Variants in PIK3C2G observed in about 807,000 individuals in gnomAD.
PIK3C2G encodes the protein phosphatidylinositol 3-kinase C2 domain-containing subunit gamma.
A neutral mutation model predicts 181.1 loss-of-function variants in PIK3C2G; 168 were observed. The observed-to-expected ratio is 0.93, with a 90% confidence interval of 0.82 to 1.05. The LOEUF is 1.05. Among genes scored for constraint, PIK3C2G ranks in the 50% least tolerant of loss-of-function variants. The pLI is 0.00. For missense variants in PIK3C2G, 1,869 were observed against 1,732.8 expected (o/e 1.08, Z -1.40); for synonymous variants, 573 against 592.2 (o/e 0.97, Z 0.47).
chr12:18,683,589 C>T, the PIK3C2G span: 5 of 1,450,490 alleles, frequency 3.4e-6, no homozygotes, highest in Non-Finnish European at 3.7e-6. Flanking sequence ...AGCCACCACC[C>T]TTCTGCTTCA....
At chr12:18,261,022 T>G (rs533334552), upstream of PIK3C2G, among the ~76,000 whole-genome samples, 1 of 152,232 alleles carries the variant, frequency 6.6e-6, no homozygotes, top group Non-Finnish European at 1.5e-5. Context: ...AAAATTAATA[T>G]CTTTCTAAAT....
intron 18 of PIK3C2G, among the ~76,000 whole-genome samples, chr12:18,467,764 C>A (rs1049156886): frequency 2.0e-5 from 3 of 151,814 alleles, no homozygotes; most frequent in South Asian, 2.1e-4. Context: ...CTAACTCCAC[C>A]CTAACAGATG....
chr12:18,566,035 T>C (rs550282168), intron 28 of PIK3C2G, among the ~76,000 whole-genome samples: 2 of 152,178 alleles, frequency 1.3e-5, no homozygotes, highest in African/African-American at 4.8e-5. Context: ...GATAAAAATT[T>C]TAAAGACTTT....
chr12:18,556,423 C>T (rs1027428765), intron 26 of PIK3C2G, among the ~76,000 whole-genome samples: 3 of 152,088 alleles, frequency 2.0e-5, no homozygotes, highest in African/African-American at 4.8e-5. Flanking sequence ...ACCATAAAGT[C>T]TCACCCTTCA....
chr12:18,696,338 A>G, the PIK3C2G span: 1 of 262,580 alleles, frequency 3.8e-6, no homozygotes. Context: ...ATATATATAT[A>G]TATATATATA....
Position 18,282,622 on chromosome 12 carries a change from T to A in PIK3C2G, c.541T>A (p.Ser181Thr). 6.2e-7 allele frequency: 1 copy of A among 1,613,360 alleles called. No individual in the cohort carries two copies. The highest frequency in any genetic ancestry group is 8.5e-7 in the Non-Finnish European group (1 of 1,179,380). ...AAGTAGCATTCCTCCAACAAATTCA[T>A]CCTTCTCAAGTGACTTCATGCCGAA... is the stretch of plus-strand genomic sequence containing the variant. ...FESSIPPTNSSFSSDFMPKEE... is the reference protein window; with the variant it reads ...FESSIPPTNSTFSSDFMPKEE... The change falls in exon 2 of 33, where the codon TCC becomes ACC. Residue 181 changes from serine (S) to threonine (T), a missense_variant. Physicochemically the swap from Ser to Thr is moderately conservative, Grantham distance 58. Transcript: ENST00000538779.
At chr12:18,703,516 T>G in the PIK3C2G span, among the ~76,000 whole-genome samples, 3 of 152,218 alleles carry the variant, frequency 2.0e-5, no homozygotes, top group African/African-American at 7.2e-5. Flanking sequence ...TGTTATACAT[T>G]GACCAGACTC....
At chr12:18,576,350 G>T (rs1207836292) in intron 29 of PIK3C2G, among the ~76,000 whole-genome samples, 1 of 152,064 alleles carries the variant, frequency 6.6e-6, no homozygotes, top group African/African-American at 2.4e-5. Context: ...CCTGGCCATG[G>T]GCAGAAAGGA....
intron 32 of PIK3C2G, among the ~76,000 whole-genome samples, chr12:18,642,249 C>A (rs1178068103): frequency 1.3e-5 from 2 of 152,272 alleles, no homozygotes; most frequent in East Asian, 3.9e-4. Flanking sequence ...TTACATTTTA[C>A]ATTTAAGTAC....
downstream of PIK3C2G, among the ~76,000 whole-genome samples, chr12:18,650,325 C>CTATATA (rs1215059836): frequency 2.3e-4 from 17 of 74,972 alleles, no homozygotes; most frequent in African/African-American, 7.8e-4. Context: ...CTCTCTCTCT[C>CTATATA]TCTCTCTATA....
At chr12:18,552,027 T>G (rs1944760520) in intron 26 of PIK3C2G, among the ~76,000 whole-genome samples, 1 of 152,108 alleles carries the variant, frequency 6.6e-6, no homozygotes, top group Admixed American at 6.6e-5. Context: ...CTAGAGCTTC[T>G]TCTGTGAACT....
rs1006054851 is a variant in PIK3C2G, at chr12:18,371,252, C to A, written c.1821C>A (p.Ala607=). The A allele has an allele frequency of 2.5e-5, 41 of 1,612,260 alleles. No homozygotes were observed. The highest frequency in any genetic ancestry group is 3.4e-5 in the Non-Finnish European group (40 of 1,179,026). ...TCACTGTAAAACTGTTTGGGATTGCCTGTGCAACCAACAATGCAAATTTAC... is the reference window on the plus strand; with the variant it reads ...TCACTGTAAAACTGTTTGGGATTGCATGTGCAACCAACAATGCAAATTTAC... ...SMLTVKLFGI[A]CATNNANLLA... Residue 607 remains alanine (A), a synonymous_variant, in exon 13 of 33, where the codon GCC becomes GCA. Coordinates refer to ENST00000538779, the MANE Select transcript of PIK3C2G (RefSeq NM_001288772.2).
intron 28 of PIK3C2G, among the ~76,000 whole-genome samples, chr12:18,564,876 A>C (rs879577704): frequency 3.3e-5 from 5 of 152,214 alleles, no homozygotes; most frequent in Admixed American, 2.0e-4. Context: ...GGTTTCAAAA[A>C]TGTCTCTGTT....
chr12:18,346,419 T>C (rs1168004135), intron 10 of PIK3C2G, among the ~76,000 whole-genome samples: 1 of 152,202 alleles, frequency 6.6e-6, no homozygotes, highest in African/African-American at 2.4e-5. Context: ...GCTTCCAAGA[T>C]TTCTGCAGCT....
chr12:18,346,943 T>C lies in PIK3C2G; in HGVS notation c.1625+107T>C, dbSNP rs1939726253. ...GCAGGAGCAAAGATTTCATAAAATT[T>C]TGGAATTAATCAGCATAGTTTTATC... On this transcript the variant is annotated intron_variant, in intron 11 of 32. Coordinates refer to ENST00000538779, the MANE Select transcript of PIK3C2G (RefSeq NM_001288772.2). The C allele has an allele frequency of 1.1e-5, 7 of 636,166 alleles. 1 individual carries two copies. Among genetic ancestry groups the C allele is most frequent in the Middle Eastern group, 2.6e-4 (1 of 3,804 alleles). The allele number at this position is 636,166 out of a possible 1,614,324, so 39.4% of individuals were successfully genotyped here.
intron 6 of PIK3C2G, 135 bp downstream of exon 6, chr12:18,314,199 A>C (rs1021941181): frequency 3.4e-5 from 20 of 583,488 alleles, no homozygotes; most frequent in Non-Finnish European, 5.8e-5. Context: ...ATTCATTGAA[A>C]CATGATGAAA....
the PIK3C2G span, among the ~76,000 whole-genome samples, chr12:18,697,251 T>C: frequency 6.6e-6 from 1 of 152,152 alleles, no homozygotes; most frequent in Non-Finnish European, 1.5e-5. Flanking sequence ...TCCTAAATAC[T>C]ATTATTTAGG....
chr12:18,246,610 T>C (rs1280656755), upstream of PIK3C2G, among the ~76,000 whole-genome samples: 5 of 152,180 alleles, frequency 3.3e-5, no homozygotes, highest in Non-Finnish European at 1.5e-5. Flanking sequence ...GTAAAGAAGA[T>C]GTATTTTCAT....
At chr12:18,416,964 G>A (rs1244811688) in intron 16 of PIK3C2G, among the ~76,000 whole-genome samples, 1 of 152,092 alleles carries the variant, frequency 6.6e-6, no homozygotes, top group Non-Finnish European at 1.5e-5. Context: ...TGGGTAAATT[G>A]GAAACCTTCT....
Sources: gnomAD v4.1 joint callset for allele counts (sites outside exome capture counted in the v4.1 genomes callset) on GRCh38, gnomAD v4.1.1 for gene constraint, MANE v1.5 for transcripts, NCBI Gene and HGNC (gene_info 2026-07-23, HGNC 2026-07-21) for gene names.